The following RPTOR variants were observed in gnomAD, a reference collection of about 807,000 sequenced individuals.
The protein encoded by RPTOR is regulatory associated protein of MTOR complex 1.
Under a neutral mutation model 169.9 loss-of-function variants are expected in RPTOR, and 21 were observed. The observed-to-expected ratio is 0.12, with a 90% CI of 0.09 to 0.18. The LOEUF (loss-of-function observed/expected upper bound fraction) is 0.18. Ranked by LOEUF, RPTOR falls within the 10% of genes least tolerant of loss-of-function variation. The pLI is 1.00. For missense variants in RPTOR, 1,133 were observed against 1,855.9 expected, an observed-to-expected ratio of 0.61 and a Z score of 7.16; for synonymous variants, 732 against 753.2, an observed-to-expected ratio of 0.97 and a Z score of 0.46.
intron 7 of RPTOR, among the ~76,000 whole-genome samples, chr17:80,808,095 G>A (rs1200988990): frequency 6.6e-6 from 1 of 151,530 alleles, no homozygotes; most frequent in Admixed American, 6.6e-5. Flanking sequence ...AGGAGTTCAA[G>A]ACCAGCCTGG....
chr17:80,790,710 G>C (rs1392822233), intron 6 of RPTOR, among the ~76,000 whole-genome samples: 2 of 152,154 alleles, frequency 1.3e-5, no homozygotes, highest in African/African-American at 2.4e-5. Flanking sequence ...TTGGAGATGT[G>C]CATACTTGCT....
chr17:80,873,921 G>A (rs2068078139), intron 13 of RPTOR, among the ~76,000 whole-genome samples: 1 of 152,182 alleles, frequency 6.6e-6, no homozygotes, highest in Non-Finnish European at 1.5e-5. Flanking sequence ...CAGACGTGCA[G>A]AGATACAGAC....
At chr17:80,582,417 C>A (rs551010803) in intron 1 of RPTOR, among the ~76,000 whole-genome samples, 66 of 152,226 alleles carry the variant, frequency 4.3e-4, no homozygotes, top group African/African-American at 1.5e-3. Context: ...GTTCCCTGAA[C>A]AATTGGACTG....
At position 80,695,429 on chromosome 17, in the gene RPTOR, G is replaced by A. The variant is rs143784533; in HGVS notation, c.349-12412G>A. On this transcript the variant is annotated intron_variant, in intron 3 of 33. Coordinates refer to ENST00000306801, the MANE Select transcript of RPTOR (RefSeq NM_020761.3). The surrounding 1 kb of genome is among the most constrained non-coding windows in gnomAD (Gnocchi z 4.9). The stretch of plus-strand genomic sequence containing the variant: ...AGACTTAAGTTTCCCATCTCTGGGC[G>A]GGACCTGTGCTCTCTCCCTGTAACA... 2.0e-3 allele frequency among the ~76,000 whole-genome samples: 312 copies of A among 152,280 alleles called. 1 individual carries two copies. The highest frequency in any genetic ancestry group is 3.7e-3 in the Non-Finnish European group (250 of 68,018).
At chr17:80,607,917 T>C (rs1198453280) in intron 1 of RPTOR, among the ~76,000 whole-genome samples, 1 of 152,194 alleles carries the variant, frequency 6.6e-6, no homozygotes, top group East Asian at 1.9e-4. Context: ...AAATTCCTTA[T>C]GGTTAGAGGA....
intron 1 of RPTOR, among the ~76,000 whole-genome samples, chr17:80,588,635 A>AT (rs2065081534): frequency 6.6e-6 from 1 of 151,960 alleles, no homozygotes; most frequent in Non-Finnish European, 1.5e-5. Flanking sequence ...TCTGTTTTTC[A>AT]TTTTCATTTT....
At chr17:80,751,591 G>A (rs893316255) in intron 5 of RPTOR, among the ~76,000 whole-genome samples, 10 of 152,206 alleles carry the variant, frequency 6.6e-5, no homozygotes, top group African/African-American at 2.2e-4. Flanking sequence ...GCAGCCCTCG[G>A]TGATTAAAAG....
chr17:80,958,029 AG>A (rs2069275932), intron 29 of RPTOR, among the ~76,000 whole-genome samples: 2 of 152,110 alleles, frequency 1.3e-5, no homozygotes, highest in Admixed American at 6.5e-5. Context: ...AGAAATCAGT[AG>A]GGTGACCAAT....
intron 10 of RPTOR, 30 bp from the exon 11 acceptor site, chr17:80,846,443 T>G (rs777498493): frequency 6.2e-7 from 1 of 1,607,490 alleles, no homozygotes; most frequent in Non-Finnish European, 8.5e-7. Flanking sequence ...AACATGGCCC[T>G]AACAAGCACC....
At chr17:80,758,287 G>T (rs2066701171) in intron 6 of RPTOR, among the ~76,000 whole-genome samples, 1 of 152,196 alleles carries the variant, frequency 6.6e-6, no homozygotes, top group Non-Finnish European at 1.5e-5. Context: ...GGGCCACAGG[G>T]TTTGAGAAAG....
intron 4 of RPTOR, among the ~76,000 whole-genome samples, chr17:80,711,071 T>TG (rs1221573100): frequency 6.6e-6 from 1 of 152,220 alleles, no homozygotes; most frequent in Non-Finnish European, 1.5e-5. Context: ...AACTGACTTT[T>TG]GCAGGACCTT....
chr17:80,867,142 A>G (rs9907278), intron 13 of RPTOR, among the ~76,000 whole-genome samples: 397 of 152,318 alleles, frequency 2.6e-3, no homozygotes, highest in African/African-American at 8.9e-3. Flanking sequence ...ATTCAATGCT[A>G]TTTAAAAACA....
intron 13 of RPTOR, among the ~76,000 whole-genome samples, chr17:80,864,202 T>C (rs1051694215): frequency 1.3e-5 from 2 of 152,212 alleles, no homozygotes; most frequent in Non-Finnish European, 2.9e-5. Flanking sequence ...ATCAAATTAC[T>C]TGAAAAACAG....
At chr17:80,649,366 A>T (rs1199212208) in intron 3 of RPTOR, among the ~76,000 whole-genome samples, 2 of 152,128 alleles carry the variant, frequency 1.3e-5, no homozygotes, top group Non-Finnish European at 2.9e-5. Context: ...TGCGGCCCTG[A>T]TGCCATTACC....
At chr17:80,680,362 A>G (rs756140980) in intron 3 of RPTOR, among the ~76,000 whole-genome samples, 2 of 152,206 alleles carry the variant, frequency 1.3e-5, no homozygotes, top group Non-Finnish European at 2.9e-5. Context: ...TCAGCAGGGC[A>G]CGGTGGCTCA....
chr17:80,893,058 C>T (rs1408700644), intron 19 of RPTOR, among the ~76,000 whole-genome samples, 189 bp downstream of exon 19: 1 of 152,242 alleles, frequency 6.6e-6, no homozygotes, highest in African/African-American at 2.4e-5. Flanking sequence ...GTAGGCCAGC[C>T]CCCAGAATAG....
chr17:80,789,026 T>G lies in RPTOR; in HGVS notation c.831-2424T>G, dbSNP rs183898699. 2.4e-3 allele frequency among the ~76,000 whole-genome samples: 373 copies of G among 152,372 alleles called. 1 individual carries two copies. Among genetic ancestry groups the G allele is most frequent in the Non-Finnish European group, 3.7e-3 (250 of 68,034 alleles). On this transcript the variant is annotated intron_variant, in intron 6 of 33. Coordinates refer to ENST00000306801, the MANE Select transcript of RPTOR (RefSeq NM_020761.3). ...GACTGATATATCCATGCTACGCTTA[T>G]TCATATAGCCATGCTATAATAAAGT...
chr17:80,837,850 G>A (rs1338802167), intron 9 of RPTOR, 72 bp from the exon 10 acceptor site: 2 of 1,420,124 alleles, frequency 1.4e-6, no homozygotes, highest in Non-Finnish European at 2.0e-6. Context: ...GGCTCCTCCT[G>A]TGCCCTGTGA....
rs527320916 is a variant in RPTOR at position 80,839,408 on chromosome 17, C to G, written c.1212+1411C>G. Among the ~76,000 whole-genome samples, 6 of 152,340 alleles carry G rather than the reference C, an allele frequency of 3.9e-5. No individual in the cohort carries two copies. The East Asian group carries it at 5.8e-4, about 15-fold the overall frequency. On this transcript the variant is annotated intron_variant, in intron 10 of 33. Coordinates refer to ENST00000306801, the MANE Select transcript of RPTOR (RefSeq NM_020761.3). ...GTGAGCACCCCATGCCCACCACTTACTTCTACCCCATCTTTGTATTCATGG... is the reference window on the plus strand; with the variant it reads ...GTGAGCACCCCATGCCCACCACTTAGTTCTACCCCATCTTTGTATTCATGG...
Sources: allele counts gnomAD v4.1 joint callset (sites outside exome capture counted in the v4.1 genomes callset), GRCh38; gene constraint gnomAD v4.1.1; non-coding constraint Gnocchi (gnomAD v3.1); transcripts MANE v1.5; gene names NCBI Gene and HGNC (gene_info 2026-07-23, HGNC 2026-07-21).